Variants in VPS13B observed in about 807,000 individuals in gnomAD.
The protein encoded by VPS13B is intermembrane lipid transfer protein VPS13B.
Under a neutral mutation model 426.4 loss-of-function variants are expected in VPS13B, and 285 were observed. That is an observed-to-expected ratio of 0.67 (90% CI 0.61 to 0.74). The LOEUF is 0.74. VPS13B is among the 30% of genes least tolerant of loss of function. The pLI, the probability that VPS13B is intolerant of heterozygous loss-of-function variation, is 0.00. For missense variants in VPS13B, 4,537 were observed against 4,782.6 expected, an observed-to-expected ratio of 0.95 and a Z score of 1.51; for synonymous variants, 1,676 against 1,676.4, an observed-to-expected ratio of 1.00 and a Z score of 0.01.
intron 2 of VPS13B, among the ~76,000 whole-genome samples, chr8:99,030,120 C>T (rs1481954240): frequency 2.2e-5 from 3 of 138,104 alleles, no homozygotes; most frequent in Admixed American, 1.5e-4. Flanking sequence ...TCTTCTGGAT[C>T]TCCAAAAATA....
intron 30 of VPS13B, among the ~76,000 whole-genome samples, chr8:99,538,186 G>A (rs1052471293): frequency 2.6e-5 from 4 of 152,002 alleles, no homozygotes; most frequent in African/African-American, 9.7e-5. Context: ...AGTCTTAGAG[G>A]CAATAAGAAT....
At chr8:99,767,860 G>A (rs556880364) in intron 40 of VPS13B, among the ~76,000 whole-genome samples, 1 of 152,108 alleles carries the variant, frequency 6.6e-6, no homozygotes, top group Middle Eastern at 3.4e-3. Flanking sequence ...GCCCCGGAGG[G>A]TGAGGTTGCA....
intron 19 of VPS13B, among the ~76,000 whole-genome samples, chr8:99,382,958 G>A (rs370422063): frequency 1.3e-3 from 192 of 152,222 alleles, no homozygotes; most frequent in African/African-American, 4.3e-3. Flanking sequence ...TATATGCTAC[G>A]GGTTTGGCTG....
At chr8:99,178,342 G>A (rs980902841) in intron 16 of VPS13B, among the ~76,000 whole-genome samples, 1 of 132,458 alleles carries the variant, frequency 7.5e-6, no homozygotes, top group Non-Finnish European at 1.5e-5. Context: ...AATCATTGGC[G>A]GTTCCCATAT....
chr8:99,388,529 A>G (rs1462569052), intron 20 of VPS13B, among the ~76,000 whole-genome samples: 3 of 152,222 alleles, frequency 2.0e-5, no homozygotes, highest in Non-Finnish European at 4.4e-5. Context: ...ATCTGAGACT[A>G]GATTGCAACT....
chr8:99,843,423 C>A (rs540974838), intron 54 of VPS13B, among the ~76,000 whole-genome samples: 1 of 152,260 alleles, frequency 6.6e-6, no homozygotes, highest in South Asian at 2.1e-4. Flanking sequence ...AACAAATCTT[C>A]CCCGCAAGGT....
chr8:99,362,444 A>G (rs1273328340), intron 19 of VPS13B, among the ~76,000 whole-genome samples: 1 of 152,040 alleles, frequency 6.6e-6, no homozygotes, highest in Non-Finnish European at 1.5e-5. Context: ...GCCTGGCCTA[A>G]TTTGTCTTTA....
At chr8:99,349,974 A>T (rs1408326425) in intron 19 of VPS13B, among the ~76,000 whole-genome samples, 4 of 152,206 alleles carry the variant, frequency 2.6e-5, no homozygotes, top group African/African-American at 7.2e-5. Flanking sequence ...TCACACATAT[A>T]AAATTGCGAT....
chr8:99,541,396 T>G (rs1823609447), intron 30 of VPS13B, among the ~76,000 whole-genome samples: 1 of 152,158 alleles, frequency 6.6e-6, no homozygotes, highest in Non-Finnish European at 1.5e-5. Flanking sequence ...TGTTGTTACA[T>G]AGGTATACAT....
Position 99,192,973 on chromosome 8 carries a change from A to C in VPS13B, c.2431A>C (p.Ile811Leu), listed in dbSNP as rs370570714. ...AGCACAGACACTTCTCTTGCAAGCA[A>C]TATATCAAAGTTGGTCTCATCTTGG... The part of the protein sequence containing the change: ...TRAQTLLLQA[I>L]YQSWSHLGNV... The change falls in exon 17 of 62, where the codon ATA (isoleucine) becomes CTA (leucine). Residue 811 changes from isoleucine to leucine, a missense_variant. Coordinates refer to ENST00000357162, the MANE Select transcript of VPS13B (RefSeq NM_152564.5). 17 of 1,613,604 alleles carry C rather than the reference A, an allele frequency of 1.1e-5. No individual in the cohort carries two copies. Among genetic ancestry groups the C allele is most frequent in the Middle Eastern group, 1.6e-4 (1 of 6,078 alleles).
intron 39 of VPS13B, among the ~76,000 whole-genome samples, 176 bp downstream of exon 39, chr8:99,721,223 T>A (rs965376772): frequency 2.0e-5 from 3 of 152,140 alleles, no homozygotes; most frequent in Admixed American, 6.5e-5. Flanking sequence ...TTTTAAAAAA[T>A]AAGGTAATAA....
At chr8:99,345,513 T>C (rs187132159) in intron 19 of VPS13B, among the ~76,000 whole-genome samples, 120 of 152,324 alleles carry the variant, frequency 7.9e-4, no homozygotes, top group African/African-American at 2.7e-3. Flanking sequence ...TTGTTATATA[T>C]TTTTTCTTTT....
At chr8:99,468,153 C>T (rs552135485) in intron 24 of VPS13B, among the ~76,000 whole-genome samples, 16 of 152,212 alleles carry the variant, frequency 1.1e-4, no homozygotes, top group Admixed American at 2.6e-4. Flanking sequence ...CCCGACCCCC[C>T]AGCCCACGAC....
chr8:99,875,611 T>G lies in VPS13B; in HGVS notation c.11939T>G (p.Phe3980Cys). 6.2e-7 allele frequency: 1 copy of G among 1,614,198 alleles called. No individual in the cohort carries two copies. Among genetic ancestry groups the G allele is most frequent in the Non-Finnish European group, 8.5e-7 (1 of 1,180,028 alleles). ...GTTGATCCACATTTTGCTCAGGTCT[T>G]CCTTAGTAAATTTACCATGGTGAAA... ...YLVDPHFAQV[F>C]LSKFTMVKNK... Residue 3980 changes from phenylalanine (F) to cysteine (C), a missense_variant, in exon 62 of 62, where the codon TTC becomes TGC. Physicochemically the swap from Phe to Cys is radical, Grantham distance 205. Coordinates refer to ENST00000357162, the MANE Select transcript of VPS13B (RefSeq NM_152564.5).
intron 3 of VPS13B, among the ~76,000 whole-genome samples, chr8:99,074,354 G>A (rs1271730215): frequency 6.6e-6 from 1 of 151,776 alleles, no homozygotes; most frequent in East Asian, 1.9e-4. Context: ...GTTGTATCAC[G>A]TTTATTGATT....
chr8:99,733,769 T>G (rs193230457), intron 39 of VPS13B, among the ~76,000 whole-genome samples: 1 of 152,204 alleles, frequency 6.6e-6, no homozygotes, highest in Non-Finnish European at 1.5e-5. Context: ...CTTTATTACC[T>G]TAGATGTTTT....
At chr8:99,617,785 T>C (rs1345923482) in intron 33 of VPS13B, among the ~76,000 whole-genome samples, 1 of 152,236 alleles carries the variant, frequency 6.6e-6, no homozygotes, top group Non-Finnish European at 1.5e-5. Flanking sequence ...TCCACCCTAA[T>C]TTATGCTAGG....
chr8:99,424,750 C>T (rs972119002), intron 21 of VPS13B, among the ~76,000 whole-genome samples: 3 of 152,036 alleles, frequency 2.0e-5, no homozygotes, highest in South Asian at 2.1e-4. Flanking sequence ...CCCTTCAAAA[C>T]GCTTCAAAAA....
At chr8:99,050,411 C>G (rs538914009) in intron 3 of VPS13B, among the ~76,000 whole-genome samples, 17 of 152,164 alleles carry the variant, frequency 1.1e-4, no homozygotes, top group Admixed American at 1.1e-3. Context: ...ATATGTGCCA[C>G]ATTTTCTTAA....
Sources: gnomAD v4.1 joint callset for allele counts (sites outside exome capture counted in the v4.1 genomes callset) on GRCh38, gnomAD v4.1.1 for gene constraint, MANE v1.5 for transcripts, NCBI Gene and HGNC (gene_info 2026-07-23, HGNC 2026-07-21) for gene names.